TEAD1: variants seen among roughly 807,000 people sequenced by gnomAD.
The protein encoded by TEAD1 is TEA domain transcription factor 1.
TEAD1 carries 9 observed loss-of-function variants against 54.9 expected under a neutral mutation model. The observed-to-expected ratio is 0.16, with a 90% CI of 0.10 to 0.29. TEAD1 has a LOEUF of 0.29. Among genes scored for constraint, TEAD1 ranks in the 10% least tolerant of loss-of-function variants. The pLI, the probability that TEAD1 is intolerant of heterozygous loss-of-function variation, is 1.00. For synonymous variants in TEAD1, 200 were observed against 187.8 expected (o/e 1.07, Z -0.53); for missense variants, 387 against 535.9 (o/e 0.72, Z 2.74).
chr11:12,923,014 A>C (rs953362633), intron 10 of TEAD1: 14 of 151,634 alleles, frequency 9.2e-5, no homozygotes, highest in African/African-American at 3.4e-4. Context: ...CTGCTTCAAC[A>C]ACCACCACGG....
intron 2 of TEAD1, among the ~76,000 whole-genome samples, chr11:12,676,474 C>G (rs1365846663): frequency 1.3e-5 from 2 of 152,216 alleles, no homozygotes; most frequent in Non-Finnish European, 2.9e-5. Flanking sequence ...TCAGGCTACG[C>G]CCGGTGCTTC....
At chr11:12,761,447 G>A (rs1488005666) in intron 2 of TEAD1, among the ~76,000 whole-genome samples, 1 of 152,112 alleles carries the variant, frequency 6.6e-6, no homozygotes, top group Non-Finnish European at 1.5e-5. Context: ...TCCCATCTTT[G>A]GGCTGTGGGC....
chr11:12,756,688 G>A (rs538258753), intron 2 of TEAD1, among the ~76,000 whole-genome samples: 42 of 152,308 alleles, frequency 2.8e-4, no homozygotes, highest in Admixed American at 5.2e-4. Context: ...AGGGTATAGT[G>A]TATTTGATAT....
At chr11:12,873,833 TAGAA>T (rs1947802770) in intron 5 of TEAD1, among the ~76,000 whole-genome samples, 1 of 152,244 alleles carries the variant, frequency 6.6e-6, no homozygotes, top group Non-Finnish European at 1.5e-5. Flanking sequence ...AGTGCAAGAT[TAGAA>T]AGAACATCTG....
At chr11:12,902,892 TCTC>T (rs1948449715) in intron 10 of TEAD1, among the ~76,000 whole-genome samples, 1 of 151,876 alleles carries the variant, frequency 6.6e-6, no homozygotes, top group Non-Finnish European at 1.5e-5. Context: ...GCCAGCTCCT[TCTC>T]CTCCATGAGA....
intron 7 of TEAD1, 123 bp downstream of exon 7, chr11:12,881,174 C>T: frequency 9.4e-7 from 1 of 1,065,102 alleles, no homozygotes; most frequent in Non-Finnish European, 1.4e-6. Context: ...ACTGAGGTCC[C>T]AGAAGGCATC....
In TEAD1 at chr11:12,837,805, C is replaced by CTT. The variant is rs575848575; in HGVS notation, c.203-24432_203-24431dup. On this transcript the variant is annotated intron_variant, in intron 3 of 12. Transcript: ENST00000527636. The stretch of plus-strand genomic sequence containing the variant: ...TCTTCTTCCTTCTTTCTTCCTTCTT[C>CTT]TTTTTTTTTTTTTTGAGACTGAGTT... Among the ~76,000 whole-genome samples the CTT allele has an allele frequency of 7.7e-3, 581 of 75,848 alleles. 9 individuals carry two copies. Among genetic ancestry groups the CTT allele is most frequent in the African/African-American group, 0.022 (530 of 23,956 alleles). 49.8% of individuals were successfully genotyped at this position (75,848 alleles called of 152,430 possible).
At chr11:12,838,307 T>G (rs1183366481) in intron 3 of TEAD1, among the ~76,000 whole-genome samples, 1 of 152,214 alleles carries the variant, frequency 6.6e-6, no homozygotes, top group African/African-American at 2.4e-5. Flanking sequence ...TAATGCTTAA[T>G]GTGGACGATG....
intron 3 of TEAD1, among the ~76,000 whole-genome samples, chr11:12,811,184 T>C (rs943661512): frequency 1.3e-5 from 2 of 152,226 alleles, no homozygotes; most frequent in African/African-American, 4.8e-5. Context: ...TTTCTGGGGC[T>C]GCTGGGAAAG....
chr11:12,796,973 T>C (rs903567350), intron 3 of TEAD1, among the ~76,000 whole-genome samples: 1 of 151,864 alleles, frequency 6.6e-6, no homozygotes, highest in East Asian at 1.9e-4. Flanking sequence ...ATTAGCTGGG[T>C]GTGGTGGCGG....
At chr11:12,859,390 C>T (rs1589932677) in intron 3 of TEAD1, among the ~76,000 whole-genome samples, 1 of 151,072 alleles carries the variant, frequency 6.6e-6, no homozygotes, top group East Asian at 1.9e-4. Flanking sequence ...TTCGCCTTGG[C>T]CGCTCAAATA....
At chr11:12,721,938 C>T (rs1031529581) in intron 2 of TEAD1, among the ~76,000 whole-genome samples, 10 of 152,096 alleles carry the variant, frequency 6.6e-5, no homozygotes, top group African/African-American at 2.4e-4. Context: ...CATCCCTGTG[C>T]GTAAGAGTTG....
intron 2 of TEAD1, among the ~76,000 whole-genome samples, chr11:12,763,604 T>G (rs1945144959): frequency 6.6e-6 from 1 of 152,252 alleles, no homozygotes; most frequent in Non-Finnish European, 1.5e-5. Context: ...TGCCACCATC[T>G]TGCATCTTGA....
intron 5 of TEAD1, among the ~76,000 whole-genome samples, chr11:12,875,249 A>G (rs1426346870): frequency 6.6e-6 from 1 of 152,194 alleles, no homozygotes; most frequent in Non-Finnish European, 1.5e-5. Context: ...TAGAGTGAGG[A>G]TGAGTAGTGA....
At chr11:12,762,213 T>A (rs1436947840) in intron 2 of TEAD1, among the ~76,000 whole-genome samples, 5 of 152,130 alleles carry the variant, frequency 3.3e-5, no homozygotes, top group Admixed American at 3.3e-4. Flanking sequence ...TGGTTTGTTT[T>A]TGTCTTTTTT....
At chr11:12,868,671 G>T (rs1947675111) in intron 5 of TEAD1, among the ~76,000 whole-genome samples, 1 of 152,138 alleles carries the variant, frequency 6.6e-6, no homozygotes, top group African/African-American at 2.4e-5. Flanking sequence ...GAAAAAAATT[G>T]TTCTAGTGAA....
chr11:12,924,794 C>G (rs1948879496), intron 10 of TEAD1, 118 bp from the exon 11 acceptor site: 1 of 1,293,652 alleles, frequency 7.7e-7, no homozygotes, highest in Middle Eastern at 1.8e-4. Flanking sequence ...TGAGCATCAC[C>G]TTCCCAAGCC....
chr11:12,793,268 T>C (rs1473552636), intron 3 of TEAD1, among the ~76,000 whole-genome samples: 2 of 152,066 alleles, frequency 1.3e-5, no homozygotes, highest in Non-Finnish European at 2.9e-5. Context: ...TTCCAAGAAG[T>C]GGAATGGCAC....
chr11:12,872,758 A>G (rs1947778195), intron 5 of TEAD1, among the ~76,000 whole-genome samples: 1 of 152,182 alleles, frequency 6.6e-6, no homozygotes, highest in South Asian at 2.1e-4. Context: ...CCCTAGAATG[A>G]CATCTATCCA....
Sources: gnomAD v4.1 joint callset for allele counts (sites outside exome capture counted in the v4.1 genomes callset) on GRCh38, gnomAD v4.1.1 for gene constraint, MANE v1.5 for transcripts, NCBI Gene and HGNC (gene_info 2026-07-23, HGNC 2026-07-21) for gene names.